Variants in CEMIP2 observed in about 807,000 individuals in gnomAD.
CEMIP2 encodes cell migration inducing hyaluronidase 2.
A neutral mutation model predicts 146.9 loss-of-function variants in CEMIP2; 79 were observed. That is an observed-to-expected ratio of 0.54 (90% confidence interval 0.45 to 0.65). The LOEUF is 0.65. Ranked by LOEUF, CEMIP2 falls within the 30% of genes least tolerant of loss-of-function variation. The probability of loss-of-function intolerance (pLI) is 0.00; values close to 1 mark genes in which losing one functional copy is unlikely to be tolerated. For synonymous variants in CEMIP2, 601 were observed against 606.3 expected (o/e 0.99, Z 0.13); for missense variants, 1,596 against 1,696.2 (o/e 0.94, Z 1.04).
At chr9:71,766,325 G>A (rs1192104477) in intron 1 of CEMIP2, among the ~76,000 whole-genome samples, 1 of 151,704 alleles carries the variant, frequency 6.6e-6, no homozygotes, top group Non-Finnish European at 1.5e-5. Context: ...CACCTGCCTC[G>A]GCCTCCCAAA....
intron 4 of CEMIP2, among the ~76,000 whole-genome samples, chr9:71,744,011 A>T (rs948020320): frequency 6.6e-6 from 1 of 152,216 alleles, no homozygotes; most frequent in Admixed American, 6.5e-5. Context: ...TCTGTCTTTT[A>T]AATGAAATGT....
intron 1 of CEMIP2, among the ~76,000 whole-genome samples, chr9:71,758,800 A>G (rs1362588284): frequency 6.6e-6 from 1 of 152,194 alleles, no homozygotes; most frequent in Non-Finnish European, 1.5e-5. Context: ...TCAAAGAAAT[A>G]TATTTGGGGG....
intron 18 of CEMIP2, among the ~76,000 whole-genome samples, chr9:71,701,436 A>G (rs1356578646): frequency 1.3e-5 from 2 of 152,198 alleles, no homozygotes; most frequent in Non-Finnish European, 2.9e-5. Context: ...GAGGATTTGA[A>G]AGAACATTAA....
intron 15 of CEMIP2, among the ~76,000 whole-genome samples, chr9:71,713,262 G>T (rs529731027): frequency 6.6e-6 from 1 of 151,984 alleles, no homozygotes; most frequent in African/African-American, 2.4e-5. Context: ...TGGGTCTCAC[G>T]ATATCCGATG....
chr9:71,710,060 G>A (rs1822863244), intron 16 of CEMIP2, among the ~76,000 whole-genome samples: 1 of 152,198 alleles, frequency 6.6e-6, no homozygotes, highest in Non-Finnish European at 1.5e-5. Flanking sequence ...TGTTGACTTA[G>A]TATGGCTGAG....
intron 5 of CEMIP2, 55 bp from the exon 6 acceptor site, chr9:71,735,049 T>C: frequency 2.6e-6 from 4 of 1,532,220 alleles, no homozygotes; most frequent in Non-Finnish European, 3.5e-6. Flanking sequence ...AGTATTTTTT[T>C]CTCTCTAAAA....
At chr9:71,752,471 AGGAAGGAAGG>A (rs1282950243) in intron 1 of CEMIP2, among the ~76,000 whole-genome samples, 6 of 76,136 alleles carry the variant, frequency 7.9e-5, no homozygotes, top group African/African-American at 1.6e-4. Flanking sequence ...GAAGGAAGGA[AGGAAGGAAGG>A]GGGAGGGAAG....
intron 4 of CEMIP2, among the ~76,000 whole-genome samples, chr9:71,742,717 G>A (rs532143108): frequency 6.9e-4 from 105 of 152,310 alleles, no homozygotes; most frequent in Non-Finnish European, 1.3e-3. Flanking sequence ...ACTGGATAAT[G>A]AAACAAAGTA....
rs1554689419 is a variant in CEMIP2, at chr9:71,756,523, C to CACAT, written c.-12-6139_-12-6138insATGT. On this transcript the variant is annotated intron_variant, in intron 1 of 23. Coordinates refer to ENST00000377044, the MANE Select transcript of CEMIP2 (RefSeq NM_013390.3). ...TCTCTCTCTCACACACACACACACA[C>CACAT]ACACACACACAAACACACACACAAG... 8.1e-3 allele frequency among the ~76,000 whole-genome samples: 1,229 copies of CACAT among 151,030 alleles called. 16 individuals carry two copies. The highest frequency in any genetic ancestry group is 0.028 in the African/African-American group (1,140 of 40,786).
chr9:71,699,452 T>TA (rs5898223), intron 19 of CEMIP2: 204,687 of 374,262 alleles, frequency 0.55, 37,219 homozygotes, highest in East Asian at 0.61. Flanking sequence ...CACCGTCTCT[T>TA]AAAAAAAAAA....
chr9:71,739,995 C>T (rs1445214902), intron 5 of CEMIP2, 68 bp downstream of exon 5: 1 of 1,457,726 alleles, frequency 6.9e-7, no homozygotes, highest in Non-Finnish European at 9.2e-7. Context: ...TAATACTATT[C>T]TTAGAAAAAA....
upstream of CEMIP2, chr9:71,768,918 G>T (rs1300533428): frequency 6.6e-6 from 1 of 151,668 alleles, no homozygotes; most frequent in African/African-American, 2.4e-5. Context: ...GCGGGCGGGC[G>T]GTGGAGAGCG....
chr9:71,741,735 T>C (rs938306921), intron 4 of CEMIP2, among the ~76,000 whole-genome samples: 11 of 136,824 alleles, frequency 8.0e-5, no homozygotes, highest in African/African-American at 3.0e-4. Context: ...ACCTCTGGGG[T>C]TCAAGCGATT....
At chr9:71,762,158 C>T (rs886166301) in intron 1 of CEMIP2, among the ~76,000 whole-genome samples, 5 of 152,110 alleles carry the variant, frequency 3.3e-5, no homozygotes, top group African/African-American at 7.2e-5. Context: ...TCCTAGGCCA[C>T]GTGAAACCTA....
chr9:71,728,843 T>TGTGTG (rs747643683), intron 10 of CEMIP2, among the ~76,000 whole-genome samples: 2 of 101,170 alleles, frequency 2.0e-5, no homozygotes, highest in Non-Finnish European at 2.2e-5. Flanking sequence ...GTGTGTGTGT[T>TGTGTG]TTTATTGACA....
intron 2 of CEMIP2, among the ~76,000 whole-genome samples, chr9:71,746,591 T>A (rs1824096488): frequency 2.3e-5 from 2 of 85,620 alleles, no homozygotes; most frequent in African/African-American, 3.9e-5. Flanking sequence ...CAGGACAAAC[T>A]TCACCAAAAA....
intron 23 of CEMIP2, 117 bp downstream of exon 23, chr9:71,685,626 A>G (rs1024586545): frequency 3.0e-5 from 27 of 911,336 alleles, no homozygotes; most frequent in Non-Finnish European, 4.5e-5. Flanking sequence ...AAATCATCTT[A>G]ATGATACCCA....
intron 14 of CEMIP2, among the ~76,000 whole-genome samples, chr9:71,716,263 G>A (rs1216943188): frequency 1.3e-5 from 2 of 151,150 alleles, no homozygotes; most frequent in East Asian, 1.9e-4. Context: ...AGTCTAAATC[G>A]CAAGTGTTTT....
rs369938870 is a variant in CEMIP2, at chr9:71,728,279, A to ATGTG, written c.2049+1565_2049+1566insCACA. ...TATACACGTATATATATATATATATATGTATATATATATATATATATACAT... is the reference window on the plus strand; with the variant it reads ...TATACACGTATATATATATATATATATGTGTGTATATATATATATATATATACAT... On this transcript the variant is annotated intron_variant, in intron 10 of 23. Transcript: ENST00000377044. Among the ~76,000 whole-genome samples, 6 of 14,730 alleles carry ATGTG rather than the reference A, an allele frequency of 4.1e-4. 1 individual carries two copies. The highest frequency in any genetic ancestry group is 4.7e-4 in the African/African-American group (3 of 6,348). The allele number at this position is 14,730 out of a possible 152,430, so 9.7% of individuals were successfully genotyped here.
Sources: allele counts gnomAD v4.1 joint callset (sites outside exome capture counted in the v4.1 genomes callset), GRCh38; gene constraint gnomAD v4.1.1; transcripts MANE v1.5; gene names NCBI Gene and HGNC (gene_info 2026-07-23, HGNC 2026-07-21).